Variants in PLXDC2 observed in about 807,000 individuals in gnomAD.
PLXDC2 encodes the protein plexin domain-containing protein 2.
In PLXDC2, 40 loss-of-function variants were observed where a neutral mutation model predicts 68.9. The ratio of observed to expected loss-of-function variants is 0.58; its 90% CI spans 0.45 to 0.76. The LOEUF (loss-of-function observed/expected upper bound fraction) is 0.76. Ranked by LOEUF, PLXDC2 falls within the 30% of genes least tolerant of loss-of-function variation. The probability of loss-of-function intolerance (pLI) is 0.00; values close to 1 mark genes in which losing one functional copy is unlikely to be tolerated. For missense variants in PLXDC2, 644 were observed against 661.9 expected (o/e 0.97, Z 0.30); for synonymous variants, 243 against 234.2 (o/e 1.04, Z -0.34).
At chr10:19,912,747 AT>A (rs1400843343) in intron 1 of PLXDC2, among the ~76,000 whole-genome samples, 2 of 152,168 alleles carry the variant, frequency 1.3e-5, no homozygotes, top group African/African-American at 2.4e-5. Context: ...GAACATAAAA[AT>A]TGATAAATGA....
chr10:20,081,256 A>G (rs1040811656), intron 4 of PLXDC2, among the ~76,000 whole-genome samples: 1 of 152,160 alleles, frequency 6.6e-6, no homozygotes, highest in Non-Finnish European at 1.5e-5. Flanking sequence ...CTTTAGGGAA[A>G]TACATCTGGA....
intron 1 of PLXDC2, among the ~76,000 whole-genome samples, chr10:19,940,462 C>T (rs1833799605): frequency 1.3e-5 from 2 of 151,444 alleles, no homozygotes; most frequent in Non-Finnish European, 2.9e-5. Context: ...ATTTGAATTT[C>T]CTAAGACAGG....
chr10:20,093,736 C>T (rs572240694), intron 4 of PLXDC2, among the ~76,000 whole-genome samples: 84 of 152,274 alleles, frequency 5.5e-4, no homozygotes, highest in African/African-American at 1.9e-3. Flanking sequence ...TGTAGTGGCG[C>T]GGTCTCAGCT....
rs1836118129 is a variant in PLXDC2, at chr10:20,284,228, C to T, written c.*4409C>T. 1.3e-5 allele frequency: 2 copies of T among 151,274 alleles called. No individual in the cohort carries two copies. Among genetic ancestry groups the T allele is most frequent in the South Asian group, 4.2e-4 (2 of 4,792 alleles). The allele number at this position is 151,274 out of a possible 1,614,324, so 9.4% of individuals were successfully genotyped here. ...TGCTTTTACTTCACGACCTCCAACCCCACTTTTGTTATCAGCGTCATATGC... is the reference window on the plus strand; with the variant it reads ...TGCTTTTACTTCACGACCTCCAACCTCACTTTTGTTATCAGCGTCATATGC... On this transcript the variant is annotated 3_prime_UTR_variant, in exon 14 of 14. Transcript: ENST00000377252.
intron 1 of PLXDC2, among the ~76,000 whole-genome samples, chr10:19,907,322 C>T (rs944379554): frequency 3.9e-5 from 6 of 152,164 alleles, no homozygotes; most frequent in African/African-American, 1.4e-4. Context: ...CCAGAAGTAA[C>T]ATTGACTATT....
chr10:20,092,851 G>T (rs1833298292), intron 4 of PLXDC2, among the ~76,000 whole-genome samples: 2 of 151,976 alleles, frequency 1.3e-5, no homozygotes. Context: ...AAAGAGATCA[G>T]AGTGATGTGG....
chr10:20,176,768 A>T (rs1037329273), intron 7 of PLXDC2, among the ~76,000 whole-genome samples: 17 of 152,154 alleles, frequency 1.1e-4, no homozygotes. Flanking sequence ...TTAATAGGTA[A>T]GTGAGATATC....
chr10:20,101,660 C>A (rs1168301370), intron 4 of PLXDC2, among the ~76,000 whole-genome samples: 1 of 152,178 alleles, frequency 6.6e-6, no homozygotes, highest in African/African-American at 2.4e-5. Context: ...CACACCTTAA[C>A]AAATCTTAAG....
chr10:20,225,752 C>T (rs1030465614), intron 12 of PLXDC2, among the ~76,000 whole-genome samples: 4 of 152,158 alleles, frequency 2.6e-5, no homozygotes, highest in Non-Finnish European at 5.9e-5. Context: ...AAAATTTCTA[C>T]ACTCAAACTA....
At chr10:20,136,974 T>C (rs922757544) in intron 4 of PLXDC2, among the ~76,000 whole-genome samples, 2 of 152,192 alleles carry the variant, frequency 1.3e-5, no homozygotes, top group African/African-American at 4.8e-5. Context: ...ACAAAGTGCT[T>C]GTTGCATCAG....
chr10:20,222,197 G>A (rs747138544), intron 12 of PLXDC2, among the ~76,000 whole-genome samples: 3 of 152,110 alleles, frequency 2.0e-5, no homozygotes, highest in Non-Finnish European at 2.9e-5. Context: ...GTCTTTCTTG[G>A]TTATTGCATT....
At chr10:20,272,102 A>T (rs1212676249) in intron 13 of PLXDC2, among the ~76,000 whole-genome samples, 1 of 152,142 alleles carries the variant, frequency 6.6e-6, no homozygotes, top group Non-Finnish European at 1.5e-5. Context: ...CAAGAGGGCT[A>T]CAGGGGAAGG....
chr10:19,861,531 C>G (rs1360030765), intron 1 of PLXDC2, among the ~76,000 whole-genome samples: 4 of 152,122 alleles, frequency 2.6e-5, no homozygotes, highest in Admixed American at 6.5e-5. Flanking sequence ...TTCCAGTAAC[C>G]TTTTCAGCCT....
chr10:20,043,352 G>C (rs1835717601), intron 2 of PLXDC2: 1 of 152,142 alleles, frequency 6.6e-6, no homozygotes, highest in Non-Finnish European at 1.5e-5. Flanking sequence ...AAAACTGAAG[G>C]TGTATTTTCA....
At chr10:19,885,767 C>T (rs12775974) in intron 1 of PLXDC2, among the ~76,000 whole-genome samples, 18 of 152,074 alleles carry the variant, frequency 1.2e-4, no homozygotes, top group East Asian at 3.9e-4. Flanking sequence ...CCTTGTAGTA[C>T]AGTTTGAAGT....
intron 1 of PLXDC2, among the ~76,000 whole-genome samples, chr10:19,947,709 T>C (rs1833926747): frequency 3.2e-5 from 1 of 31,536 alleles, no homozygotes; most frequent in African/African-American, 6.5e-5. Flanking sequence ...CTTTCTTTCT[T>C]TTTTTTTTTT....
chr10:20,161,797 C>T (rs1267339290), intron 6 of PLXDC2, among the ~76,000 whole-genome samples: 3 of 151,802 alleles, frequency 2.0e-5, no homozygotes, highest in African/African-American at 7.3e-5. Context: ...TTTGGGAGGC[C>T]GAGGTGGGCG....
intron 1 of PLXDC2, among the ~76,000 whole-genome samples, chr10:19,890,906 G>A (rs10827900): frequency 1.6e-4 from 25 of 151,846 alleles, no homozygotes; most frequent in African/African-American, 5.6e-4. Context: ...TAGAAGCCTA[G>A]AATACATAAA....
At chr10:19,837,145 G>A (rs1392892317) in intron 1 of PLXDC2, among the ~76,000 whole-genome samples, 1 of 150,914 alleles carries the variant, frequency 6.6e-6, no homozygotes, top group African/African-American at 2.4e-5. Context: ...GATTGTTTGA[G>A]GACTAAAAGG....
Sources: gnomAD v4.1 joint callset for allele counts (sites outside exome capture counted in the v4.1 genomes callset) on GRCh38, gnomAD v4.1.1 for gene constraint, MANE v1.5 for transcripts, NCBI Gene and HGNC (gene_info 2026-07-23, HGNC 2026-07-21) for gene names.